The following TNMD variants were observed in gnomAD, a reference collection of about 807,000 sequenced individuals.
TNMD encodes BRICHOS domain containing 4.
A neutral mutation model predicts 26.9 loss-of-function variants in TNMD; 15 were observed. The ratio of observed to expected loss-of-function variants is 0.56; its 90% CI spans 0.37 to 0.86. The LOEUF (loss-of-function observed/expected upper bound fraction) is 0.86, where lower values mean the gene tolerates loss of function less well. Ranked by LOEUF, TNMD falls within the 40% of genes least tolerant of loss-of-function variation. TNMD has a pLI of 0.00. For missense variants in TNMD, 222 were observed against 242.6 expected (o/e 0.92, Z 0.56); for synonymous variants, 73 against 77.0 (o/e 0.95, Z 0.27).
Position 100,589,506 on chromosome X carries a change from G to A in TNMD, c.180+4144G>A, listed in dbSNP as rs1017485781. On this transcript the variant is annotated intron_variant, in intron 2 of 6. Transcript: ENST00000373031. ...GCTCCCAGCAATTATGTGGAGCCAG[G>A]CTGTGGCTGTGATGGGCATGTTCTT... Among the ~76,000 whole-genome samples the A allele has an allele frequency of 1.8e-5, 2 of 111,238 alleles. 1 individual carries two copies. Among genetic ancestry groups the A allele is most frequent in the Non-Finnish European group, 3.8e-5 (2 of 53,052 alleles).
chrX:100,592,370 C>G (rs1602687447), intron 2 of TNMD, among the ~76,000 whole-genome samples: 1 of 112,300 alleles, frequency 8.9e-6, no homozygotes, highest in Non-Finnish European at 1.9e-5. Context: ...TATCACAAAC[C>G]AGGCCAGACT....
chrX:100,585,907 T>C (rs758530430), intron 2 of TNMD, among the ~76,000 whole-genome samples: 63 of 112,563 alleles, frequency 5.6e-4, no homozygotes, highest in South Asian at 1.1e-3. Context: ...TTCAGCTCCT[T>C]GCCAGCTGCA....
chrX:100,591,199 G>C (rs144973198), intron 2 of TNMD, among the ~76,000 whole-genome samples: 172 of 111,295 alleles, frequency 1.5e-3, no homozygotes, highest in African/African-American at 5.4e-3. Context: ...ATTGGGCAGG[G>C]GTGTACTCCT....
chrX:100,599,596 G>A lies in TNMD; in HGVS notation c.833G>A (p.Arg278His), dbSNP rs745722707. 2 of 1,211,000 alleles carry A rather than the reference G, an allele frequency of 1.7e-6. No homozygotes were observed. Among genetic ancestry groups the A allele is most frequent in the East Asian group, 3.0e-5 (1 of 33,807 alleles). ...YCRRGNRYCR[R>H]VCEPLLGYYP... is the part of the protein sequence containing the mutation. ...CGTCGAGGCAACCGCTATTGCCGCC[G>A]CGTCTGTGAACCTTTACTAGGCTAC... Residue 278 changes from arginine (R) to histidine (H), a missense_variant, in exon 7 of 7, where the codon CGC becomes CAC. Physicochemically the swap from Arg to His is conservative, Grantham distance 29. Transcript: ENST00000373031.
intron 4 of TNMD, 135 bp downstream of exon 4, chrX:100,594,497 C>A: frequency 2.6e-6 from 1 of 385,366 alleles, no homozygotes; most frequent in Non-Finnish European, 4.2e-6. Context: ...TTGTTATCAT[C>A]ATTTTCAGAT....
intron 2 of TNMD, among the ~76,000 whole-genome samples, chrX:100,589,312 T>A (rs1401832056): frequency 5.6e-5 from 6 of 106,894 alleles, no homozygotes; most frequent in African/African-American, 2.1e-4. Flanking sequence ...AGCCGGAATA[T>A]TTTTGGCAGG....
intron 2 of TNMD, chrX:100,593,364 C>T: frequency 1.3e-6 from 1 of 753,598 alleles, no homozygotes. Flanking sequence ...ATAAATGTTT[C>T]CTGGAGTTTA....
At chrX:100,592,719 A>G (rs1228928916) in intron 2 of TNMD, among the ~76,000 whole-genome samples, 1 of 112,353 alleles carries the variant, frequency 8.9e-6, no homozygotes, top group Non-Finnish European at 1.9e-5. Flanking sequence ...TTAAACTAAC[A>G]TTCAGTCAAT....
chrX:100,587,564 T>C (rs2082925418), intron 2 of TNMD, among the ~76,000 whole-genome samples: 1 of 112,220 alleles, frequency 8.9e-6, no homozygotes, highest in Non-Finnish European at 1.9e-5. Context: ...TGGGGAGTTA[T>C]GATTCATTGT....
In TNMD at chrX:100,599,873, A is replaced by G. The variant is rs2082964034; in HGVS notation, c.*156A>G. On this transcript the variant is annotated 3_prime_UTR_variant, in exon 7 of 7. Coordinates refer to ENST00000373031, the MANE Select transcript of TNMD (RefSeq NM_022144.3). Reference sequence around the variant, plus strand: ...TCTCTTCATGTTCTAATAAACTTCTACATTATCACCAACAGCCTGATTGCT... The same window carrying G: ...TCTCTTCATGTTCTAATAAACTTCTGCATTATCACCAACAGCCTGATTGCT... The G allele has an allele frequency of 8.3e-6, 4 of 481,377 alleles. No homozygotes were observed. In the South Asian group the frequency reaches 1.3e-4, roughly 15 times the overall value. The allele number at this position is 481,377 out of a possible 1,213,427, so 39.7% of individuals were successfully genotyped here.
chrX:100,585,472 T>C (rs1315091004), intron 2 of TNMD, 110 bp downstream of exon 2: 4 of 866,072 alleles, frequency 4.6e-6, no homozygotes, highest in Non-Finnish European at 6.2e-6. Context: ...CTCTTTTGTG[T>C]TTATTTTCTG....
chrX:100,586,704 A>ATCCCCTACTCCTCC (rs1221464435), intron 2 of TNMD, among the ~76,000 whole-genome samples: 1 of 111,305 alleles, frequency 9.0e-6, no homozygotes, highest in Non-Finnish European at 1.9e-5. Context: ...AGTTAGCCCT[A>ATCCCCTACTCCTCC]TCCCCTACTC....
chrX:100,592,104 C>T (rs1036800250), intron 2 of TNMD, among the ~76,000 whole-genome samples: 2 of 111,661 alleles, frequency 1.8e-5, no homozygotes, highest in Non-Finnish European at 3.8e-5. Context: ...AAACACCCCA[C>T]CGCAGCCCCC....
intron 4 of TNMD, among the ~76,000 whole-genome samples, chrX:100,594,816 A>C (rs916250752): frequency 8.9e-6 from 1 of 112,081 alleles, no homozygotes; most frequent in Admixed American, 9.5e-5. Flanking sequence ...GTATTCACCT[A>C]TTTTAAAGAT....
chrX:100,599,453 T>C (rs767994329), intron 6 of TNMD, 55 bp from the exon 7 acceptor site: 2 of 1,063,908 alleles, frequency 1.9e-6, no homozygotes, highest in East Asian at 3.2e-5. Flanking sequence ...TGGTGAGAAC[T>C]CTTGCTAGTG....
At chrX:100,598,781 T>TA (rs1468408248) in intron 5 of TNMD, among the ~76,000 whole-genome samples, 1 of 112,123 alleles carries the variant, frequency 8.9e-6, no homozygotes, top group Non-Finnish European at 1.9e-5. Context: ...GTCAAAGCAG[T>TA]AAATGTTTGA....
chrX:100,599,710 G>A lies in TNMD; in HGVS notation c.947G>A (p.Arg316Lys), dbSNP rs923120343. Residue 316 changes from arginine (R) to lysine (K), a missense_variant, in exon 7 of 7, where the codon AGG becomes AAG. Arg to Lys is a conservative substitution (Grantham distance 26). Transcript: ENST00000373031. ...TGGTGGGTGGCCCGCATGCTGGGGA[G>A]GGTCTAATAGGAGGTTTGAGCTCAA... ...CNWWVARMLG[R>K]V The A allele has an allele frequency of 5.0e-6, 6 of 1,207,749 alleles. No individual in the cohort carries two copies. In the African/African-American group the frequency reaches 1.1e-4, roughly 21 times the overall value.
chrX:100,591,619 C>T (rs1462390315), intron 2 of TNMD, among the ~76,000 whole-genome samples: 1 of 111,581 alleles, frequency 9.0e-6, no homozygotes, highest in Non-Finnish European at 1.9e-5. Context: ...AAAAGGACAC[C>T]TTTGATAGTG....
chrX:100,588,005 T>C (rs2082926585), intron 2 of TNMD, among the ~76,000 whole-genome samples: 1 of 111,612 alleles, frequency 9.0e-6, no homozygotes, highest in South Asian at 3.8e-4. Flanking sequence ...CAGTGATTTG[T>C]TTGCAGTCCT....
Sources: gnomAD v4.1 joint callset for allele counts (sites outside exome capture counted in the v4.1 genomes callset) on GRCh38, gnomAD v4.1.1 for gene constraint, MANE v1.5 for transcripts, NCBI Gene and HGNC (gene_info 2026-07-23, HGNC 2026-07-21) for gene names.